The following OR3A2 variants were observed in gnomAD, a reference collection of about 807,000 sequenced individuals.
OR3A2 encodes olfactory receptor 3A2.
For missense variants in OR3A2, 318 were observed against 392.8 expected (o/e 0.81, Z 1.61); for synonymous variants, 126 against 159.3 (o/e 0.79, Z 1.57).
chr17:3,339,400 T>C (rs1597348751), intron 2 of OR3A2, among the ~76,000 whole-genome samples: 1 of 152,204 alleles, frequency 6.6e-6, no homozygotes, highest in African/African-American at 2.4e-5. Context: ...ATACTGGCTG[T>C]GGGTTTATCA....
rs543669069 is a variant in OR3A2 at position 3,329,216 on chromosome 17, C to T, written c.-85+6817G>A. Among the ~76,000 whole-genome samples the T allele has an allele frequency of 1.7e-3, 263 of 151,880 alleles. 1 individual carries two copies. The highest frequency in any genetic ancestry group is 5.7e-3 in the African/African-American group (237 of 41,332). On this transcript the variant is annotated intron_variant, in intron 3 of 4. Transcript: ENST00000573491. ...GCCCGGCTTTGGTATCAGAATGATG[C>T]TGGCCTCATAAAATGAGTTAGGGAG...
At position 3,371,836 on chromosome 17, in the gene OR3A2, C is replaced by T. The variant is rs1260073832; in HGVS notation, c.-179+11968G>A. Among the ~76,000 whole-genome samples, 9 of 141,726 alleles carry T rather than the reference C, an allele frequency of 6.4e-5. 1 individual carries two copies. Among genetic ancestry groups the T allele is most frequent in the African/African-American group, 2.4e-4 (9 of 37,724 alleles). The allele number at this position is 141,726 out of a possible 152,430, so 93.0% of individuals were successfully genotyped here. On this transcript the variant is annotated intron_variant, in intron 2 of 4. Coordinates refer to the OR3A2 transcript ENST00000573491. ...GCCGGGCGGGGGGCTGACCTCCCCA[C>T]CACCTCCCGCCCGGACGGGGCGGCT...
intron 2 of OR3A2, among the ~76,000 whole-genome samples, chr17:3,363,226 AC>A (rs1567568537): frequency 6.6e-6 from 1 of 151,640 alleles, no homozygotes; most frequent in African/African-American, 2.4e-5. Flanking sequence ...AATTTTTCAA[AC>A]TTTTATGCTC....
At chr17:3,340,805 A>C (rs2049310486) in intron 2 of OR3A2, among the ~76,000 whole-genome samples, 1 of 152,160 alleles carries the variant, frequency 6.6e-6, no homozygotes, top group Admixed American at 6.5e-5. Flanking sequence ...GCTGAGTTCA[A>C]TTCCTGGATA....
rs1158712308 is a variant in OR3A2, at chr17:3,298,975, A to G, written c.-84-19822T>C. Among the ~76,000 whole-genome samples, 6 of 152,330 alleles carry G rather than the reference A, an allele frequency of 3.9e-5. 1 individual carries two copies. Among genetic ancestry groups the G allele is most frequent in the Middle Eastern group, 3.4e-3 (1 of 294 alleles). Reference sequence around the variant, plus strand: ...ACAACCCAAGCTTTTAATGAACCCAATAATGATGCCTTATGACTTTGTGAT... The same window carrying G: ...ACAACCCAAGCTTTTAATGAACCCAGTAATGATGCCTTATGACTTTGTGAT... On this transcript the variant is annotated intron_variant, in intron 3 of 4. Coordinates refer to the OR3A2 transcript ENST00000573491.
intron 2 of OR3A2, among the ~76,000 whole-genome samples, chr17:3,348,457 A>C (rs1388524596): frequency 6.6e-6 from 1 of 152,188 alleles, no homozygotes. Context: ...GAATGAAATG[A>C]AGCGAGAAGG....
exon 2 of OR3A2, chr17:3,277,542 C>T (rs977819048): frequency 1.2e-5 from 2 of 167,904 alleles, no homozygotes; most frequent in Non-Finnish European, 2.6e-5. Flanking sequence ...AACTACAAGG[C>T]TTTAACTCTA....
At chr17:3,366,812 T>C (rs542227780) in intron 2 of OR3A2, among the ~76,000 whole-genome samples, 13 of 152,192 alleles carry the variant, frequency 8.5e-5, no homozygotes, top group Non-Finnish European at 1.3e-4. Context: ...AGCAGAACCA[T>C]TGTGGACAAT....
rs575403184 is a variant in OR3A2 at position 3,349,473 on chromosome 17, A to C, written c.-178-13347T>G. 4.6e-5 allele frequency among the ~76,000 whole-genome samples: 7 copies of C among 152,246 alleles called. No individual in the cohort carries two copies. In the East Asian group the frequency reaches 1.4e-3, roughly 29 times the overall value. On this transcript the variant is annotated intron_variant, in intron 2 of 4. Transcript: ENST00000573491. ...ATGGTAAAGGGATCAATTCAACAAG[A>C]AGAGCTAACTATCCTAAATATATAT...
intron 2 of OR3A2, among the ~76,000 whole-genome samples, chr17:3,383,613 TGAG>T (rs1325310225): frequency 6.6e-6 from 1 of 151,958 alleles, no homozygotes; most frequent in African/African-American, 2.4e-5. Context: ...AGGAGTCAGT[TGAG>T]AAGAATCCTA....
At chr17:3,326,455 C>G (rs2049173567) in intron 3 of OR3A2, among the ~76,000 whole-genome samples, 1 of 151,892 alleles carries the variant, frequency 6.6e-6, no homozygotes, top group African/African-American at 2.4e-5. Flanking sequence ...GGAGCTGCAG[C>G]AGAGGAACAT....
intron 2 of OR3A2, among the ~76,000 whole-genome samples, chr17:3,372,316 C>A (rs1331945161): frequency 6.7e-6 from 1 of 148,664 alleles, no homozygotes; most frequent in African/African-American, 2.5e-5. Context: ...GGCGGCCGGG[C>A]AGAGACACTC....
intron 2 of OR3A2, among the ~76,000 whole-genome samples, chr17:3,341,274 T>TAA (rs1567561190): frequency 4.0e-5 from 6 of 151,640 alleles, no homozygotes; most frequent in Non-Finnish European, 8.8e-5. Context: ...ACATTTAAGG[T>TAA]TAATGTTATG....
intron 2 of OR3A2, among the ~76,000 whole-genome samples, chr17:3,356,499 A>G (rs2049466740): frequency 6.6e-6 from 1 of 151,526 alleles, no homozygotes; most frequent in African/African-American, 2.4e-5. Context: ...TTTAGCAACC[A>G]TATGCAAATA....
rs58615412 is a variant in OR3A2, at chr17:3,281,235, AT to A, written c.-6-2313del. On this transcript the variant is annotated intron_variant, in intron 1 of 1. Coordinates refer to ENST00000642052, the Ensembl canonical transcript of OR3A2. ...CCCAAGATAATACCCAGGCATCAGG[AT>A]TTTTTTTTTTTTTTTTGAGATGGAG... Among the ~76,000 whole-genome samples the A allele has an allele frequency of 6.1e-3, 836 of 137,222 alleles. 4 individuals are homozygous for A. Among genetic ancestry groups the A allele is most frequent in the East Asian group, 0.03 (141 of 4,764 alleles). 90.0% of individuals were successfully genotyped at this position (137,222 alleles called of 152,430 possible).
chr17:3,334,234 T>C (rs1043666982), intron 3 of OR3A2, among the ~76,000 whole-genome samples: 1 of 152,052 alleles, frequency 6.6e-6, no homozygotes, highest in African/African-American at 2.4e-5. Context: ...ATACCATCTT[T>C]ACTATTTTTA....
chr17:3,318,437 C>T (rs373319631), intron 3 of OR3A2, among the ~76,000 whole-genome samples: 13 of 152,260 alleles, frequency 8.5e-5, no homozygotes, highest in East Asian at 1.9e-4. Context: ...GAGTTTAAAA[C>T]GAGAATGCCT....
At position 3,343,968 on chromosome 17, in the gene OR3A2, G is replaced by A. The variant is rs137910790; in HGVS notation, c.-178-7842C>T. Among the ~76,000 whole-genome samples, 1,342 of 152,286 alleles carry A rather than the reference G, an allele frequency of 8.8e-3. 20 individuals are homozygous for A. Among genetic ancestry groups the A allele is most frequent in the African/African-American group, 0.031 (1,277 of 41,556 alleles). ...TGTCATCAAAGAAGCAGAAGGAGGGGTCTGTGATTCTACTTTGTCTAGGAA... is the reference window on the plus strand; with the variant it reads ...TGTCATCAAAGAAGCAGAAGGAGGGATCTGTGATTCTACTTTGTCTAGGAA... On this transcript the variant is annotated intron_variant, in intron 2 of 4. Coordinates refer to the OR3A2 transcript ENST00000573491.
intron 2 of OR3A2, among the ~76,000 whole-genome samples, chr17:3,364,155 G>A (rs567636460): frequency 6.6e-6 from 1 of 152,208 alleles, no homozygotes; most frequent in African/African-American, 2.4e-5. Flanking sequence ...AAAAGCTAAG[G>A]TCCTGAAATT....
Sources: allele counts gnomAD v4.1 joint callset (sites outside exome capture counted in the v4.1 genomes callset), GRCh38; gene constraint gnomAD v4.1.1; transcripts MANE v1.5; gene names NCBI Gene and HGNC (gene_info 2026-07-23, HGNC 2026-07-21).